Variants in DOK6 observed in about 807,000 individuals in gnomAD.
DOK6 encodes the protein downstream of tyrosine kinase 6.
A neutral mutation model predicts 44.0 loss-of-function variants in DOK6; 22 were observed. That is an observed-to-expected ratio of 0.50 (90% confidence interval 0.36 to 0.71). DOK6 has a LOEUF of 0.71. Ranked by LOEUF, DOK6 falls within the 30% of genes least tolerant of loss-of-function variation. The pLI is 0.00. For synonymous variants in DOK6, 166 were observed against 145.5 expected, an observed-to-expected ratio of 1.14 and a Z score of -1.01; for missense variants, 340 against 416.4, an observed-to-expected ratio of 0.82 and a Z score of 1.60.
intron 2 of DOK6, among the ~76,000 whole-genome samples, chr18:69,599,098 C>G (rs1455497427): frequency 6.6e-6 from 1 of 152,122 alleles, no homozygotes; most frequent in African/African-American, 2.4e-5. Flanking sequence ...CTATTATTTG[C>G]CAGGTATATG....
chr18:69,835,811 A>G (rs1982038646), intron 7 of DOK6, among the ~76,000 whole-genome samples: 1 of 152,164 alleles, frequency 6.6e-6, no homozygotes, highest in Non-Finnish European at 1.5e-5. Context: ...GTACCCTTTT[A>G]TCTCCCCCAG....
rs143164257 is a variant in DOK6 at position 69,837,155 on chromosome 18, C to T, written c.857-4089C>T. 1.6e-3 allele frequency among the ~76,000 whole-genome samples: 239 copies of T among 152,094 alleles called. 1 individual carries two copies. The highest frequency in any genetic ancestry group is 5.7e-3 in the African/African-American group (237 of 41,488). On this transcript the variant is annotated intron_variant, in intron 7 of 7. Transcript: ENST00000382713. ...GAATGTCTTAGTCTTTTTTGTGTTG[C>T]TATAACAGAATACCACAGACTAGGT...
At chr18:69,520,777 C>A (rs1380762285) in intron 1 of DOK6, among the ~76,000 whole-genome samples, 1 of 151,800 alleles carries the variant, frequency 6.6e-6, no homozygotes, top group African/African-American at 2.4e-5. Flanking sequence ...CACTTCTGGT[C>A]CCAAGCATAC....
chr18:69,607,064 G>A (rs1468347527), intron 3 of DOK6, among the ~76,000 whole-genome samples: 1 of 152,050 alleles, frequency 6.6e-6, no homozygotes, highest in Non-Finnish European at 1.5e-5. Context: ...AAGTCCCAAA[G>A]AGGCAATGTG....
At chr18:69,710,506 G>A (rs1986732038) in intron 5 of DOK6, among the ~76,000 whole-genome samples, 1 of 152,150 alleles carries the variant, frequency 6.6e-6, no homozygotes, top group African/African-American at 2.4e-5. Flanking sequence ...TACGTCTCAG[G>A]TTTTGTGTTT....
At chr18:69,727,293 C>T (rs544606507) in intron 5 of DOK6, among the ~76,000 whole-genome samples, 1 of 152,178 alleles carries the variant, frequency 6.6e-6, no homozygotes, top group Non-Finnish European at 1.5e-5. Context: ...TGGGGGAACA[C>T]AAACATTCAG....
At chr18:69,431,646 T>G (rs763500086) in intron 1 of DOK6, among the ~76,000 whole-genome samples, 1 of 152,188 alleles carries the variant, frequency 6.6e-6, no homozygotes, top group Non-Finnish European at 1.5e-5. Context: ...TCCCAATTAA[T>G]TTTTAATTTC....
chr18:69,586,153 C>G (rs568666122), intron 2 of DOK6, among the ~76,000 whole-genome samples: 1 of 152,202 alleles, frequency 6.6e-6, no homozygotes, highest in South Asian at 2.1e-4. Context: ...CCAGAAATGC[C>G]AACGAGAAGC....
intron 5 of DOK6, among the ~76,000 whole-genome samples, chr18:69,701,169 T>C (rs4476266): frequency 0.58 from 87,953 of 151,936 alleles, 25,717 homozygotes; most frequent in East Asian, 0.82. Flanking sequence ...CAGTCACCCT[T>C]GTAATTATAA....
At chr18:69,683,721 A>C (rs1986090886) in intron 4 of DOK6, among the ~76,000 whole-genome samples, 1 of 152,228 alleles carries the variant, frequency 6.6e-6, no homozygotes, top group South Asian at 2.1e-4. Flanking sequence ...CAGAACTATG[A>C]GATGATATAT....
At chr18:69,776,934 G>A (rs544588632) in intron 7 of DOK6, among the ~76,000 whole-genome samples, 2 of 145,898 alleles carry the variant, frequency 1.4e-5, no homozygotes, top group East Asian at 2.1e-4. Flanking sequence ...TCTCACTCAG[G>A]TGGGAATTGA....
chr18:69,691,351 T>C (rs752720681), intron 4 of DOK6, among the ~76,000 whole-genome samples: 2 of 152,056 alleles, frequency 1.3e-5, no homozygotes, highest in Admixed American at 6.5e-5. Flanking sequence ...AAGTCTTTTA[T>C]AGGAGAAGGG....
intron 1 of DOK6, among the ~76,000 whole-genome samples, chr18:69,529,868 A>T (rs1046122575): frequency 6.6e-6 from 1 of 152,214 alleles, no homozygotes; most frequent in African/African-American, 2.4e-5. Context: ...TATCAAATGT[A>T]TAATAATGAT....
intron 1 of DOK6, among the ~76,000 whole-genome samples, chr18:69,491,140 G>T (rs1980724160): frequency 6.6e-6 from 1 of 152,014 alleles, no homozygotes; most frequent in African/African-American, 2.4e-5. Flanking sequence ...CAATGGCATG[G>T]TTTATACTAA....
chr18:69,709,871 T>A (rs141693440), intron 5 of DOK6, among the ~76,000 whole-genome samples: 1 of 152,332 alleles, frequency 6.6e-6, no homozygotes, highest in Non-Finnish European at 1.5e-5. Flanking sequence ...GCCACTTGAT[T>A]TTTTAAAAAA....
chr18:69,748,761 A>G (rs1979070856), intron 6 of DOK6, among the ~76,000 whole-genome samples: 1 of 152,200 alleles, frequency 6.6e-6, no homozygotes, highest in South Asian at 2.1e-4. Context: ...TTCCTCAAAG[A>G]TCTAGAACCA....
intron 1 of DOK6, among the ~76,000 whole-genome samples, chr18:69,555,477 A>C (rs1385891775): frequency 6.6e-6 from 1 of 152,330 alleles, no homozygotes; most frequent in Non-Finnish European, 1.5e-5. Context: ...TTATCCAACT[A>C]TCCCAGAGCT....
intron 3 of DOK6, among the ~76,000 whole-genome samples, chr18:69,654,215 A>G (rs1985305340): frequency 1.3e-5 from 2 of 152,266 alleles, no homozygotes; most frequent in Non-Finnish European, 2.9e-5. Context: ...ATGCAGTGGA[A>G]AAGTCTAACA....
Position 69,599,384 on chromosome 18 carries a change from G to T in DOK6, c.175G>T (p.Val59Leu). The T allele has an allele frequency of 1.2e-6, 2 of 1,605,302 alleles. No individual in the cohort carries two copies. Among genetic ancestry groups the T allele is most frequent in the South Asian group, 1.1e-5 (1 of 89,852 alleles). Residue 59 changes from valine (V) to leucine (L), a missense_variant and splice_region_variant, in exon 3 of 8, where the codon GTA (valine) becomes TTA (leucine). By Grantham distance (32) the Val-to-Leu change is conservative (BLOSUM62 1). Coordinates refer to ENST00000382713, the MANE Select transcript of DOK6 (RefSeq NM_152721.6). ...AGTTAAATATATTTTTTCTTTCAAGGTAACTGAACTGCACAATATCAAAAA... is the reference window on the plus strand; with the variant it reads ...AGTTAAATATATTTTTTCTTTCAAGTTAACTGAACTGCACAATATCAAAAA... ...KAAYFRNFHK[V>L]TELHNIKNIT...
Sources: gnomAD v4.1 joint callset for allele counts (sites outside exome capture counted in the v4.1 genomes callset) on GRCh38, gnomAD v4.1.1 for gene constraint, MANE v1.5 for transcripts, NCBI Gene and HGNC (gene_info 2026-07-23, HGNC 2026-07-21) for gene names.